EPSTI1: variants seen among roughly 807,000 people sequenced by gnomAD.
EPSTI1 encodes the protein epithelial stromal interaction 1.
A neutral mutation model predicts 49.9 loss-of-function variants in EPSTI1; 66 were observed. That is an observed-to-expected ratio of 1.32 (90% CI 1.08 to 1.62). The LOEUF is 1.62. EPSTI1 is among the 40% of genes most tolerant of loss of function. The pLI, the probability that EPSTI1 is intolerant of heterozygous loss-of-function variation, is 0.00. For synonymous variants in EPSTI1, 137 were observed against 130.7 expected, an observed-to-expected ratio of 1.05 and a Z score of -0.33; for missense variants, 394 against 365.5, an observed-to-expected ratio of 1.08 and a Z score of -0.64.
chr13:42,977,888 T>G (rs771677178), intron 1 of EPSTI1, among the ~76,000 whole-genome samples: 1 of 152,182 alleles, frequency 6.6e-6, no homozygotes, highest in East Asian at 1.9e-4. Context: ...TGGTGGCTCA[T>G]GCCTGTAATC....
At chr13:42,928,215 C>T (rs1239131857) in intron 6 of EPSTI1, among the ~76,000 whole-genome samples, 1 of 152,158 alleles carries the variant, frequency 6.6e-6, no homozygotes, top group Non-Finnish European at 1.5e-5. Context: ...ATCAACTATA[C>T]AAAGGAAGTC....
intron 10 of EPSTI1, chr13:42,889,333 A>C: frequency 2.5e-6 from 2 of 807,710 alleles, no homozygotes; most frequent in Non-Finnish European, 3.8e-6. Flanking sequence ...GACTGATTTA[A>C]ATTAACAATG....
intron 8 of EPSTI1, among the ~76,000 whole-genome samples, chr13:42,914,592 G>C (rs918518102): frequency 6.6e-6 from 1 of 152,154 alleles, no homozygotes; most frequent in Non-Finnish European, 1.5e-5. Flanking sequence ...ATATAAACCA[G>C]ATCATAAGGA....
intron 1 of EPSTI1, among the ~76,000 whole-genome samples, chr13:42,980,446 T>C (rs927487772): frequency 8.5e-5 from 13 of 152,148 alleles, no homozygotes; most frequent in Non-Finnish European, 1.8e-4. Flanking sequence ...CTCACAATCA[T>C]GGTGGAAGGC....
chr13:42,917,154 G>A (rs1472002049), intron 8 of EPSTI1, among the ~76,000 whole-genome samples: 1 of 152,128 alleles, frequency 6.6e-6, no homozygotes, highest in Admixed American at 6.5e-5. Flanking sequence ...AACTTTGCAT[G>A]CCTACTTTCT....
At chr13:42,988,976 T>G (rs1237514751) in intron 1 of EPSTI1, among the ~76,000 whole-genome samples, 1 of 150,956 alleles carries the variant, frequency 6.6e-6, no homozygotes, top group South Asian at 2.1e-4. Context: ...TCCTCCTGCC[T>G]CAGCCTCTTG....
At chr13:42,966,869 G>A (rs1222885882) in intron 3 of EPSTI1, among the ~76,000 whole-genome samples, 1 of 68,012 alleles carries the variant, frequency 1.5e-5, no homozygotes, top group African/African-American at 4.4e-5. Context: ...TTGAGAAATC[G>A]GATGGTTGCC....
chr13:42,969,277 T>C (rs2039707289), intron 2 of EPSTI1, 100 bp from the exon 3 acceptor site: 8 of 1,146,874 alleles, frequency 7.0e-6, no homozygotes, highest in Non-Finnish European at 1.0e-5. Context: ...GGCAATTAAC[T>C]ATATGTGAGC....
Position 42,989,032 on chromosome 13 carries a change from AT to A in EPSTI1, c.188+2945del, listed in dbSNP as rs74772535. 3.1e-3 allele frequency among the ~76,000 whole-genome samples: 299 copies of A among 96,116 alleles called. 1 individual carries two copies. Among genetic ancestry groups the A allele is most frequent in the African/African-American group, 0.013 (277 of 21,190 alleles). The allele number at this position is 96,116 out of a possible 152,430, so 63.1% of individuals were successfully genotyped here. A position where few individuals can be genotyped will look rare whatever the true frequency, so the allele number is the denominator to read the frequency against. On this transcript the variant is annotated intron_variant, in intron 1 of 10. Coordinates refer to ENST00000313624, the MANE Select transcript of EPSTI1 (RefSeq NM_033255.5). ...GTGCCACCGTGCCCAGATAATTTAA[AT>A]TTTTTTTTTTTTTTTTTTTTTTTTG...
intron 5 of EPSTI1, among the ~76,000 whole-genome samples, chr13:42,956,966 C>A (rs1182499228): frequency 2.0e-5 from 3 of 152,158 alleles, no homozygotes; most frequent in Admixed American, 6.5e-5. Flanking sequence ...AAGTGGCTCA[C>A]TCTTATAGCA....
intron 3 of EPSTI1, 88 bp from the exon 4 acceptor site, chr13:42,964,227 A>G (rs993990133): frequency 2.1e-5 from 20 of 964,090 alleles, no homozygotes; most frequent in Non-Finnish European, 2.8e-5. Flanking sequence ...TAATAAATCT[A>G]TAACATGAGT....
At chr13:42,908,152 C>T (rs1187068699) in intron 8 of EPSTI1, among the ~76,000 whole-genome samples, 1 of 152,192 alleles carries the variant, frequency 6.6e-6, no homozygotes, top group Non-Finnish European at 1.5e-5. Context: ...GGATTAAAGA[C>T]TTTAAATGTA....
chr13:42,929,026 C>G (rs766193836), intron 6 of EPSTI1, among the ~76,000 whole-genome samples: 5 of 152,172 alleles, frequency 3.3e-5, no homozygotes, highest in Non-Finnish European at 7.3e-5. Context: ...AATTATGACA[C>G]AATGGTATTT....
chr13:42,955,191 A>G (rs1462503967), intron 5 of EPSTI1, among the ~76,000 whole-genome samples: 1 of 152,194 alleles, frequency 6.6e-6, no homozygotes, highest in Admixed American at 6.5e-5. Context: ...CCAAATAAAC[A>G]TGATTCTAGT....
At chr13:42,923,462 G>A (rs1438116891) in intron 7 of EPSTI1, among the ~76,000 whole-genome samples, 1 of 152,200 alleles carries the variant, frequency 6.6e-6, no homozygotes, top group African/African-American at 2.4e-5. Flanking sequence ...TTAGGAGGCT[G>A]AGGTGGCAGG....
intron 6 of EPSTI1, among the ~76,000 whole-genome samples, chr13:42,946,462 G>A (rs1239869270): frequency 1.3e-5 from 2 of 152,162 alleles, no homozygotes; most frequent in Non-Finnish European, 2.9e-5. Context: ...GGAATAGAGT[G>A]CAGCCAGGAG....
intron 8 of EPSTI1, among the ~76,000 whole-genome samples, chr13:42,910,362 A>T (rs1409955311): frequency 1.3e-5 from 2 of 150,128 alleles, no homozygotes; most frequent in African/African-American, 4.9e-5. Flanking sequence ...CCTGGGTTCA[A>T]GTGATTTGCA....
At chr13:42,926,522 G>A (rs2038184867) in intron 6 of EPSTI1, 93 bp from the exon 7 acceptor site, 1 of 780,460 alleles carries the variant, frequency 1.3e-6, no homozygotes, top group African/African-American at 1.7e-5. Context: ...ACTTATTTGG[G>A]TGATGATTAA....
At chr13:42,943,834 C>A (rs2038838479) in intron 6 of EPSTI1, among the ~76,000 whole-genome samples, 2 of 152,080 alleles carry the variant, frequency 1.3e-5, no homozygotes, top group South Asian at 2.1e-4. Context: ...CAGAAAAAAA[C>A]AACCTCATCA....
Sources: allele counts gnomAD v4.1 joint callset (sites outside exome capture counted in the v4.1 genomes callset), GRCh38; gene constraint gnomAD v4.1.1; transcripts MANE v1.5; gene names NCBI Gene and HGNC (gene_info 2026-07-23, HGNC 2026-07-21).